The following ATP7A variants were observed in gnomAD, a reference collection of about 807,000 sequenced individuals.
ATP7A encodes copper-transporting ATPase 1.
Under a neutral mutation model 83.5 loss-of-function variants are expected in ATP7A, and 7 were observed. The observed-to-expected ratio is 0.08, with a 90% CI of 0.05 to 0.16. ATP7A has a LOEUF of 0.16. Ranked by LOEUF, ATP7A falls within the 10% of genes least tolerant of loss-of-function variation. The pLI, the probability that ATP7A is intolerant of heterozygous loss-of-function variation, is 1.00. For missense variants in ATP7A, 940 were observed against 1,120.8 expected, an observed-to-expected ratio of 0.84 and a Z score of 2.30; for synonymous variants, 354 against 395.2, an observed-to-expected ratio of 0.90 and a Z score of 1.24.
At chrX:77,936,978 T>A (rs782611901) in intron 1 of ATP7A, among the ~76,000 whole-genome samples, 1 of 112,098 alleles carries the variant, frequency 8.9e-6, no homozygotes, top group South Asian at 3.6e-4. Flanking sequence ...TAATAAACTT[T>A]TAAAAGCCTC....
intron 6 of ATP7A, among the ~76,000 whole-genome samples, chrX:78,005,358 T>C (rs1226891002): frequency 9.0e-6 from 1 of 110,727 alleles, no homozygotes; most frequent in Admixed American, 9.7e-5. Flanking sequence ...ATCTAGCTTT[T>C]CCCAATGATA....
At chrX:77,935,056 C>G (rs957126249) in intron 1 of ATP7A, among the ~76,000 whole-genome samples, 5 of 109,917 alleles carry the variant, frequency 4.5e-5, no homozygotes, top group Admixed American at 3.9e-4. Context: ...GAGCAATCCC[C>G]CTGCGTTGGC....
chrX:78,037,083 G>A (rs1426927948), intron 17 of ATP7A, among the ~76,000 whole-genome samples: 2 of 111,270 alleles, frequency 1.8e-5, no homozygotes, highest in Non-Finnish European at 3.8e-5. Context: ...CAGGAGGGAC[G>A]GTATTGGGAA....
intron 2 of ATP7A, among the ~76,000 whole-genome samples, chrX:77,976,962 G>A (rs1172035218): frequency 9.0e-6 from 1 of 110,840 alleles, no homozygotes; most frequent in Non-Finnish European, 1.9e-5. Flanking sequence ...CAACATCCCC[G>A]AACAGGGATA....
chrX:77,916,742 A>G (rs2077187911), intron 1 of ATP7A, among the ~76,000 whole-genome samples: 1 of 112,006 alleles, frequency 8.9e-6, no homozygotes, highest in Admixed American at 9.6e-5. Flanking sequence ...TTTACAAAGC[A>G]TGTCAGCACT....
chrX:78,019,335 C>T (rs1387954284), intron 12 of ATP7A, among the ~76,000 whole-genome samples: 2 of 112,176 alleles, frequency 1.8e-5, no homozygotes, highest in African/African-American at 6.5e-5. Flanking sequence ...GTAACTAAGG[C>T]CAATCTGAGG....
At chrX:78,011,848 G>T (rs1280613501) in intron 9 of ATP7A, 174 bp downstream of exon 9, 22 of 545,406 alleles carry the variant, frequency 4.0e-5, no homozygotes, top group Non-Finnish European at 5.8e-5. Flanking sequence ...GATAATAGAT[G>T]CCATTTAACC....
intron 7 of ATP7A, 59 bp from the exon 8 acceptor site, chrX:78,011,117 T>G: frequency 1.9e-6 from 2 of 1,042,802 alleles, no homozygotes; most frequent in South Asian, 3.8e-5. Flanking sequence ...GGCTTAGAAT[T>G]TCTCTATACA....
chrX:78,000,576 A>G (rs1273068888), intron 5 of ATP7A, among the ~76,000 whole-genome samples: 14 of 107,520 alleles, frequency 1.3e-4, no homozygotes, highest in African/African-American at 3.7e-4. Flanking sequence ...CTCTCAATTT[A>G]GTCTGCAACA....
chrX:77,993,630 A>G (rs1408192799), intron 4 of ATP7A, among the ~76,000 whole-genome samples: 3 of 111,954 alleles, frequency 2.7e-5, no homozygotes, highest in Non-Finnish European at 3.8e-5. Context: ...GTAAGATTAT[A>G]ATGGAGCATA....
intron 1 of ATP7A, chrX:77,962,973 A>G: frequency 3.7e-6 from 1 of 268,719 alleles, no homozygotes; most frequent in Non-Finnish European, 7.2e-6. Context: ...CATGTGCCAC[A>G]TATATAGGAT....
chrX:78,041,553 G>A (rs1287466061), intron 19 of ATP7A, among the ~76,000 whole-genome samples: 3 of 110,260 alleles, frequency 2.7e-5, no homozygotes, highest in Non-Finnish European at 5.7e-5. Context: ...GGGATTACAC[G>A]TGTGAGCCAC....
intron 6 of ATP7A, among the ~76,000 whole-genome samples, chrX:78,008,878 T>A (rs1557234025): frequency 9.1e-6 from 1 of 109,323 alleles, no homozygotes; most frequent in African/African-American, 3.3e-5. Context: ...TAGCCAGGCA[T>A]GGTAGAACAT....
At chrX:78,014,515 A>G in intron 10 of ATP7A, 147 bp from the exon 11 acceptor site, 1 of 398,424 alleles carries the variant, frequency 2.5e-6, no homozygotes, top group East Asian at 4.1e-5. Flanking sequence ...AACATTTTGA[A>G]GTGAAACATT....
At chrX:77,951,066 G>A (rs2077411358) in intron 1 of ATP7A, among the ~76,000 whole-genome samples, 1 of 111,301 alleles carries the variant, frequency 9.0e-6, no homozygotes. Context: ...CAAATTCAGC[G>A]ATTTCTAGTA....
chrX:78,033,218 C>T (rs2077993325), intron 16 of ATP7A, among the ~76,000 whole-genome samples: 1 of 112,096 alleles, frequency 8.9e-6, no homozygotes, highest in Non-Finnish European at 1.9e-5. Context: ...GATTCTCCTA[C>T]CTCAGCCTCC....
At position 77,920,512 on chromosome X, in the gene ATP7A, C is replaced by T. The variant is rs191562778; in HGVS notation, c.-22+9677C>T. 3.6e-3 allele frequency among the ~76,000 whole-genome samples: 397 copies of T among 111,103 alleles called. 1 individual carries two copies. Among genetic ancestry groups the T allele is most frequent in the Non-Finnish European group, 5.4e-3 (285 of 52,950 alleles). On this transcript the variant is annotated intron_variant, in intron 1 of 22. Coordinates refer to ENST00000341514, the MANE Select transcript of ATP7A (RefSeq NM_000052.7). The stretch of plus-strand genomic sequence containing the variant: ...GATTACAGGCGTGAGCCACCGCGCC[C>T]GGCTGAGTACCCATTGTTTAGCTAC...
chrX:78,036,079 G>A (rs2078011492), intron 17 of ATP7A, among the ~76,000 whole-genome samples: 1 of 111,855 alleles, frequency 8.9e-6, no homozygotes, highest in South Asian at 3.8e-4. Flanking sequence ...GTCATGCACT[G>A]TTCAAGGCAC....
rs1603386154 is a variant in ATP7A at position 78,015,768 on chromosome X, A to G, written c.2513A>G (p.Asp838Gly). The G allele has an allele frequency of 8.3e-7, 1 of 1,211,672 alleles. No individual in the cohort carries two copies. The highest frequency in any genetic ancestry group is 1.8e-5 in the South Asian group (1 of 57,017). ...CTTATATCCAGTGAAGAACAAGTGG[A>G]TGTGGAACTTGTACAACGTGGAGAT... ...DNILLSEEQV[D>G]VELVQRGDII... Residue 838 changes from aspartate to glycine, a missense_variant, in exon 12 of 23, where the codon GAT becomes GGT. Asp to Gly is a moderately conservative substitution (Grantham distance 94). Around this residue, in one of 3 missense-constraint regions of ATP7A, gnomAD observed 386 missense variants for 502.2 expected, o/e 0.77. Transcript: ENST00000341514.
Sources: gnomAD v4.1 joint callset for allele counts (sites outside exome capture counted in the v4.1 genomes callset) on GRCh38, gnomAD v4.1.1 for gene constraint, gnomAD v4.1.1 regional missense constraint, MANE v1.5 for transcripts, NCBI Gene and HGNC (gene_info 2026-07-23, HGNC 2026-07-21) for gene names.